Variants in PDE4B observed in about 807,000 individuals in gnomAD.
The protein encoded by PDE4B is 3',5'-cyclic-AMP phosphodiesterase 4B.
In PDE4B, 20 loss-of-function variants were observed where a neutral mutation model predicts 82.2. The ratio of observed to expected loss-of-function variants is 0.24; its 90% CI spans 0.17 to 0.35. The LOEUF is 0.35. Among genes scored for constraint, PDE4B ranks in the 10% least tolerant of loss-of-function variants. The pLI is 1.00. For synonymous variants in PDE4B, 320 were observed against 318.9 expected, an observed-to-expected ratio of 1.00 and a Z score of -0.04; for missense variants, 655 against 907.2, an observed-to-expected ratio of 0.72 and a Z score of 3.57.
chr1:66,278,358 G>A (rs1002126899), intron 7 of PDE4B, among the ~76,000 whole-genome samples: 1 of 152,194 alleles, frequency 6.6e-6, no homozygotes. Flanking sequence ...AATAACATCC[G>A]TGGAACAAAA....
chr1:66,109,760 T>C (rs1645443439), intron 3 of PDE4B, among the ~76,000 whole-genome samples: 1 of 151,978 alleles, frequency 6.6e-6, no homozygotes, highest in African/African-American at 2.4e-5. Flanking sequence ...TATTGAGTAT[T>C]GGTAGTGATT....
chr1:65,924,868 A>G (rs958647427), intron 3 of PDE4B, among the ~76,000 whole-genome samples: 1 of 152,232 alleles, frequency 6.6e-6, no homozygotes, highest in Non-Finnish European at 1.5e-5. Context: ...TGTTTTGAGA[A>G]AGAGAGACCA....
chr1:65,953,767 A>G (rs184882734), intron 3 of PDE4B, among the ~76,000 whole-genome samples: 1 of 152,150 alleles, frequency 6.6e-6, no homozygotes, highest in Non-Finnish European at 1.5e-5. Context: ...ATGTTTTTAT[A>G]AGACTGAAAG....
rs6668971 is a variant in PDE4B, at chr1:65,905,044, G to A, written c.-70-8201G>A. ...ACACTTTCAGGGAATCTAGCAAGAG[G>A]CCTCAAGCCTATCTAGTCTACTCAT... On this transcript the variant is annotated intron_variant, in intron 1 of 16. Transcript: ENST00000341517. Among the ~76,000 whole-genome samples, 1,056 of 152,176 alleles carry A rather than the reference G, an allele frequency of 6.9e-3. 13 individuals are homozygous for A. The highest frequency in any genetic ancestry group is 0.023 in the African/African-American group (964 of 41,522).
intron 3 of PDE4B, among the ~76,000 whole-genome samples, chr1:66,067,085 T>C (rs907357992): frequency 9.2e-5 from 14 of 152,074 alleles, no homozygotes; most frequent in Non-Finnish European, 1.6e-4. Context: ...ATCCAGTCTA[T>C]CATTTATGGA....
chr1:66,041,477 G>C (rs1311385618), intron 3 of PDE4B, among the ~76,000 whole-genome samples: 1 of 151,766 alleles, frequency 6.6e-6, no homozygotes, highest in Non-Finnish European at 1.5e-5. Flanking sequence ...TCCAACTTAA[G>C]ACCCAGGTAT....
At chr1:65,975,136 A>G (rs1463021102) in intron 3 of PDE4B, among the ~76,000 whole-genome samples, 2 of 152,216 alleles carry the variant, frequency 1.3e-5, no homozygotes, top group Non-Finnish European at 2.9e-5. Flanking sequence ...TGGACAATGA[A>G]GTCTAGGCTG....
At chr1:65,921,655 T>A (rs1569688838) in intron 3 of PDE4B, among the ~76,000 whole-genome samples, 1 of 152,232 alleles carries the variant, frequency 6.6e-6, no homozygotes, top group Non-Finnish European at 1.5e-5. Flanking sequence ...CCATAGCCAA[T>A]GTGTAAACGA....
At chr1:66,059,513 A>G (rs1655476272) in intron 3 of PDE4B, among the ~76,000 whole-genome samples, 1 of 152,230 alleles carries the variant, frequency 6.6e-6, no homozygotes, top group Non-Finnish European at 1.5e-5. Context: ...TTACAGTTCC[A>G]CATGGCTGGG....
At chr1:65,908,534 G>A (rs1434538192) in intron 1 of PDE4B, among the ~76,000 whole-genome samples, 1 of 152,110 alleles carries the variant, frequency 6.6e-6, no homozygotes, top group Non-Finnish European at 1.5e-5. Context: ...ATACATTTAG[G>A]TGTATCTATA....
At chr1:66,343,177 A>T (rs1012432009) in intron 8 of PDE4B, among the ~76,000 whole-genome samples, 3 of 152,144 alleles carry the variant, frequency 2.0e-5, no homozygotes, top group Non-Finnish European at 2.9e-5. Flanking sequence ...GATTTTTTTT[A>T]AAAAAGAGAG....
In PDE4B at chr1:65,842,032, C is replaced by T. The variant is rs570741924; in HGVS notation, c.-71+48784C>T. 2.9e-3 allele frequency among the ~76,000 whole-genome samples: 441 copies of T among 152,192 alleles called. 3 individuals are homozygous for T. Among genetic ancestry groups the T allele is most frequent in the Middle Eastern group, 0.01 (3 of 294 alleles). On this transcript the variant is annotated intron_variant, in intron 1 of 16. Coordinates refer to ENST00000341517, the MANE Select transcript of PDE4B (RefSeq NM_002600.4). ...ATTAAATCAACTTAGTCTTTCCCTT[C>T]GATGTAGTCATGGAGGTGAATCTTA...
chr1:65,802,435 C>A (rs182928622), intron 1 of PDE4B, among the ~76,000 whole-genome samples: 15 of 152,256 alleles, frequency 9.9e-5, no homozygotes, highest in Admixed American at 7.9e-4. Context: ...ATATTAGCTT[C>A]CTGGGAAGTT....
rs566061765 is a variant in PDE4B, at chr1:66,362,600, C to T, written c.1021-568C>T. On this transcript the variant is annotated intron_variant, in intron 10 of 16. Coordinates refer to ENST00000341517, the MANE Select transcript of PDE4B (RefSeq NM_002600.4). ...CCTTGGAATAATCTCACAACACAGG[C>T]CTGAGTGATGTTTCTTCCAGGTCCG... is the stretch of plus-strand genomic sequence containing the variant. Among the ~76,000 whole-genome samples, 8 of 152,242 alleles carry T rather than the reference C, an allele frequency of 5.3e-5. No individual in the cohort carries two copies. In the South Asian group the frequency reaches 8.3e-4, roughly 16 times the overall value.
intron 3 of PDE4B, among the ~76,000 whole-genome samples, chr1:66,210,595 CAAAAAAAAA>C (rs35825766): frequency 2.2e-4 from 10 of 45,802 alleles, no homozygotes; most frequent in South Asian, 1.0e-3. Flanking sequence ...GACTCCATCT[CAAAAAAAAA>C]AAAAAAAAAA....
chr1:65,843,610 A>T (rs1646233956), intron 1 of PDE4B, among the ~76,000 whole-genome samples: 1 of 152,202 alleles, frequency 6.6e-6, no homozygotes, highest in African/African-American at 2.4e-5. Flanking sequence ...AAAAGTTTTT[A>T]AGTATATATA....
At chr1:66,283,725 A>G (rs2101788971) in intron 7 of PDE4B, among the ~76,000 whole-genome samples, 1 of 152,240 alleles carries the variant, frequency 6.6e-6, no homozygotes, top group Non-Finnish European at 1.5e-5. Flanking sequence ...ACTTAATCAT[A>G]TGAGCCATCC....
intron 3 of PDE4B, among the ~76,000 whole-genome samples, chr1:66,223,181 A>T (rs1168724440): frequency 6.6e-6 from 1 of 152,200 alleles, no homozygotes; most frequent in Non-Finnish European, 1.5e-5. Context: ...ATACATAAAT[A>T]ATATAGTTTC....
intron 7 of PDE4B, among the ~76,000 whole-genome samples, chr1:66,296,887 C>T (rs1018967513): frequency 6.6e-6 from 1 of 152,172 alleles, no homozygotes. Flanking sequence ...TAGGGACCCA[C>T]CTGTGAGGTG....
Sources: allele counts gnomAD v4.1 joint callset (sites outside exome capture counted in the v4.1 genomes callset), GRCh38; gene constraint gnomAD v4.1.1; transcripts MANE v1.5; gene names NCBI Gene and HGNC (gene_info 2026-07-23, HGNC 2026-07-21).